Variants in DSCAM observed in about 807,000 individuals in gnomAD.
The protein encoded by DSCAM is DS cell adhesion molecule.
In DSCAM, 47 loss-of-function variants were observed where a neutral mutation model predicts 217.7. The observed-to-expected ratio is 0.22, with a 90% CI of 0.17 to 0.28. DSCAM has a LOEUF of 0.28. Ranked by LOEUF, DSCAM falls within the 10% of genes least tolerant of loss-of-function variation. The pLI, the probability that DSCAM is intolerant of heterozygous loss-of-function variation, is 1.00. For missense variants in DSCAM, 2,080 were observed against 2,618.3 expected, an observed-to-expected ratio of 0.79 and a Z score of 4.49; for synonymous variants, 1,056 against 1,015.3, an observed-to-expected ratio of 1.04 and a Z score of -0.76.
chr21:40,156,590 T>C (rs1312507614), intron 16 of DSCAM, among the ~76,000 whole-genome samples: 1 of 152,130 alleles, frequency 6.6e-6, no homozygotes, highest in East Asian at 1.9e-4. Context: ...CCTGAAAATA[T>C]GGAAGCAACT....
intron 3 of DSCAM, among the ~76,000 whole-genome samples, chr21:40,503,003 C>T (rs1376553671): frequency 6.6e-6 from 1 of 152,144 alleles, no homozygotes; most frequent in Non-Finnish European, 1.5e-5. Context: ...AGGTTAAGAA[C>T]GTCTCATTTG....
At chr21:40,593,966 T>TTTG (rs1019347177) in intron 3 of DSCAM, among the ~76,000 whole-genome samples, 3 of 152,304 alleles carry the variant, frequency 2.0e-5, no homozygotes, top group Admixed American at 2.0e-4. Flanking sequence ...AATAGCATAT[T>TTTG]TTGTTGTTGT....
chr21:40,401,393 T>C (rs1299088870), intron 3 of DSCAM, among the ~76,000 whole-genome samples: 2 of 88,898 alleles, frequency 2.2e-5, no homozygotes, highest in African/African-American at 1.0e-4. Flanking sequence ...CTCAATAAAA[T>C]TGGATTTTTT....
At chr21:40,522,210 A>G (rs1322144204) in intron 3 of DSCAM, among the ~76,000 whole-genome samples, 1 of 152,230 alleles carries the variant, frequency 6.6e-6, no homozygotes, top group East Asian at 1.9e-4. Context: ...ATAAGCAGTT[A>G]GTAGACAGAA....
At chr21:40,305,011 A>G (rs2074056585) in intron 9 of DSCAM, among the ~76,000 whole-genome samples, 1 of 152,166 alleles carries the variant, frequency 6.6e-6, no homozygotes, top group Admixed American at 6.5e-5. Flanking sequence ...ACACTGTTGG[A>G]AAAAATGGTC....
chr21:40,843,367 C>CGT (rs1569064416), intron 1 of DSCAM, among the ~76,000 whole-genome samples: 5 of 104,436 alleles, frequency 4.8e-5, no homozygotes, highest in Admixed American at 9.9e-5. Context: ...GGAATGCATG[C>CGT]ATGTGTGTGT....
chr21:40,680,967 T>C (rs2146422446), intron 3 of DSCAM, among the ~76,000 whole-genome samples: 1 of 152,342 alleles, frequency 6.6e-6, no homozygotes, highest in African/African-American at 2.4e-5. Flanking sequence ...TCAATACAAC[T>C]TTGCAAATAG....
At chr21:40,449,139 G>A (rs1316626957) in intron 3 of DSCAM, among the ~76,000 whole-genome samples, 1 of 152,094 alleles carries the variant, frequency 6.6e-6, no homozygotes, top group Non-Finnish European at 1.5e-5. Context: ...CTCTGACTAT[G>A]TCTGAAAAAG....
chr21:40,424,103 C>A (rs2075449904), intron 3 of DSCAM, among the ~76,000 whole-genome samples: 1 of 151,874 alleles, frequency 6.6e-6, no homozygotes, highest in South Asian at 2.1e-4. Flanking sequence ...ACATCAATAC[C>A]AAGATTTGGA....
At chr21:40,264,529 A>G (rs542076944) in intron 11 of DSCAM, among the ~76,000 whole-genome samples, 3 of 152,304 alleles carry the variant, frequency 2.0e-5, no homozygotes, top group Admixed American at 6.5e-5. Flanking sequence ...AAAACTCTCA[A>G]CACACTAGGC....
chr21:40,806,563 T>C (rs1213242238), intron 1 of DSCAM, among the ~76,000 whole-genome samples: 1 of 152,296 alleles, frequency 6.6e-6, no homozygotes, highest in East Asian at 1.9e-4. Flanking sequence ...TTTTGACAAT[T>C]ATGAGGTCTG....
chr21:40,055,079 G>A (rs73906392), intron 29 of DSCAM, among the ~76,000 whole-genome samples: 1,544 of 152,242 alleles, frequency 0.01, 30 homozygotes, highest in African/African-American at 0.035. Flanking sequence ...ACTTCAGGTG[G>A]AAAGAGGCTG....
chr21:40,471,868 T>C (rs2075891403), intron 3 of DSCAM, among the ~76,000 whole-genome samples: 1 of 152,176 alleles, frequency 6.6e-6, no homozygotes, highest in Admixed American at 6.5e-5. Context: ...TATGTATACA[T>C]GTGCCATGTT....
chr21:40,048,888 C>CCAGT (rs1186069954), intron 30 of DSCAM, among the ~76,000 whole-genome samples: 5 of 151,978 alleles, frequency 3.3e-5, no homozygotes, highest in Non-Finnish European at 1.5e-5. Flanking sequence ...CACTGTGGGG[C>CCAGT]CAGTCACCTA....
At chr21:40,252,413 ATGAATTT>A (rs1851008865) in intron 11 of DSCAM, among the ~76,000 whole-genome samples, 1 of 152,150 alleles carries the variant, frequency 6.6e-6, no homozygotes, top group Non-Finnish European at 1.5e-5. Flanking sequence ...ATTGTCTCAC[ATGAATTT>A]TATCTTTGAC....
chr21:40,036,885 C>G (rs1194413400), intron 32 of DSCAM, among the ~76,000 whole-genome samples: 4 of 150,206 alleles, frequency 2.7e-5, no homozygotes, highest in Non-Finnish European at 4.4e-5. Flanking sequence ...TAAATGTAAT[C>G]CAGCATATAA....
At chr21:40,191,541 T>A (rs1287113027) in intron 11 of DSCAM, among the ~76,000 whole-genome samples, 1 of 152,216 alleles carries the variant, frequency 6.6e-6, no homozygotes, top group Admixed American at 6.5e-5. Context: ...TATTGTGGTA[T>A]AATATCCATA....
intron 1 of DSCAM, among the ~76,000 whole-genome samples, chr21:40,718,125 A>G (rs1039032286): frequency 3.3e-5 from 5 of 152,220 alleles, no homozygotes; most frequent in African/African-American, 1.2e-4. Flanking sequence ...TTGCATACCC[A>G]GTTGCACAGT....
chr21:40,477,801 T>C (rs1021954159), intron 3 of DSCAM, among the ~76,000 whole-genome samples: 1 of 152,208 alleles, frequency 6.6e-6, no homozygotes, highest in African/African-American at 2.4e-5. Flanking sequence ...TTTTAAAAGA[T>C]AAAATAACAA....
Sources: allele counts gnomAD v4.1 joint callset (sites outside exome capture counted in the v4.1 genomes callset), GRCh38; gene constraint gnomAD v4.1.1; transcripts MANE v1.5; gene names NCBI Gene and HGNC (gene_info 2026-07-23, HGNC 2026-07-21).